NBEA: variants seen among roughly 807,000 people sequenced by gnomAD.
The protein encoded by NBEA is lysosomal-trafficking regulator 2.
Under a neutral mutation model 343.4 loss-of-function variants are expected in NBEA, and 44 were observed. That is an observed-to-expected ratio of 0.13 (90% confidence interval 0.10 to 0.16). The LOEUF (loss-of-function observed/expected upper bound fraction) is 0.16, where lower values mean the gene tolerates loss of function less well. NBEA is among the 10% of genes least tolerant of loss of function. The pLI, the probability that NBEA is intolerant of heterozygous loss-of-function variation, is 1.00. For synonymous variants in NBEA, 1,175 were observed against 1,238.7 expected (o/e 0.95, Z 1.08); for missense variants, 2,555 against 3,631.3 (o/e 0.70, Z 7.62).
chr13:35,278,114 A>C (rs931324808), intron 34 of NBEA, among the ~76,000 whole-genome samples: 1 of 147,922 alleles, frequency 6.8e-6, no homozygotes, highest in Non-Finnish European at 1.5e-5. Flanking sequence ...TATAAAATAT[A>C]TATATATACA....
chr13:35,592,294 C>T (rs1038028310), intron 46 of NBEA, among the ~76,000 whole-genome samples: 1 of 152,072 alleles, frequency 6.6e-6, no homozygotes, highest in African/African-American at 2.4e-5. Flanking sequence ...ATTCTTCGTT[C>T]AACAGATTAT....
intron 38 of NBEA, among the ~76,000 whole-genome samples, chr13:35,381,054 A>G (rs1337989745): frequency 2.0e-5 from 3 of 151,858 alleles, no homozygotes; most frequent in Admixed American, 2.0e-4. Context: ...CTTTTTTTCT[A>G]CGAATGGTAG....
At chr13:35,451,317 G>A (rs2046300920) in intron 39 of NBEA, among the ~76,000 whole-genome samples, 1 of 152,082 alleles carries the variant, frequency 6.6e-6, no homozygotes, top group South Asian at 2.1e-4. Context: ...TAGAGACGGG[G>A]TTTCACCGTG....
At chr13:35,462,025 G>A (rs1362938227) in intron 40 of NBEA, among the ~76,000 whole-genome samples, 1 of 152,188 alleles carries the variant, frequency 6.6e-6, no homozygotes. Flanking sequence ...AATCTGATTA[G>A]AATAGAAAAT....
At chr13:35,520,804 C>A (rs1034011785) in intron 41 of NBEA, among the ~76,000 whole-genome samples, 7 of 152,290 alleles carry the variant, frequency 4.6e-5, no homozygotes, top group Admixed American at 4.6e-4. Flanking sequence ...CTCCTTTAAA[C>A]TTCTATTGGA....
chr13:35,527,061 A>T (rs994038185), intron 41 of NBEA, among the ~76,000 whole-genome samples: 2 of 151,932 alleles, frequency 1.3e-5, no homozygotes, highest in African/African-American at 4.8e-5. Flanking sequence ...CTTATCTCCC[A>T]CAACATGGCA....
rs549866617 is a variant in NBEA at position 34,972,600 on chromosome 13, G to T, written c.294+29486G>T. 1.5e-4 allele frequency among the ~76,000 whole-genome samples: 23 copies of T among 152,236 alleles called. 1 individual carries two copies. The East Asian group carries it at 4.4e-3, about 29-fold the overall frequency. On this transcript the variant is annotated intron_variant, in intron 1 of 58. Transcript: ENST00000379939. ...TATTATTTACCCAAAAGTCATTTAG[G>T]ACCAGGGTATTCAATTTCCATGTAA... is the stretch of plus-strand genomic sequence containing the variant.
chr13:35,566,632 C>T (rs1438372337), intron 44 of NBEA, among the ~76,000 whole-genome samples: 2 of 152,102 alleles, frequency 1.3e-5, no homozygotes, highest in African/African-American at 4.8e-5. Context: ...GTAAGGGAGG[C>T]TGAGAAATGT....
At chr13:35,359,661 G>T (rs906546051) in intron 38 of NBEA, among the ~76,000 whole-genome samples, 1 of 151,956 alleles carries the variant, frequency 6.6e-6, no homozygotes, top group African/African-American at 2.4e-5. Flanking sequence ...CCTTTAACAT[G>T]CATATTTCCA....
At chr13:35,490,705 T>C (rs192798508) in intron 41 of NBEA, among the ~76,000 whole-genome samples, 1 of 151,786 alleles carries the variant, frequency 6.6e-6, no homozygotes, top group East Asian at 1.9e-4. Flanking sequence ...GTTTTTGTTA[T>C]TTGCAAGTTA....
rs866106724 is a variant in NBEA at position 35,645,141 on chromosome 13, C to T, written c.7618-728C>T. Among the ~76,000 whole-genome samples the T allele has an allele frequency of 2.6e-5, 4 of 152,104 alleles. No homozygotes were observed. The East Asian group carries it at 7.7e-4, about 29-fold the overall frequency. ...CTTTATAAATTAGAATTGTAGATAG[C>T]GATGAGATTAGTGGTGGTGCTATGT... On this transcript the variant is annotated intron_variant, in intron 49 of 58. Coordinates refer to ENST00000379939, the MANE Select transcript of NBEA (RefSeq NM_001385012.1).
At chr13:35,072,619 G>A (rs1230156722) in intron 10 of NBEA, among the ~76,000 whole-genome samples, 1 of 151,986 alleles carries the variant, frequency 6.6e-6, no homozygotes, top group Non-Finnish European at 1.5e-5. Flanking sequence ...GAGTGCAGTG[G>A]TGTGATCTCT....
At chr13:35,279,970 T>C (rs557888710) in intron 34 of NBEA, among the ~76,000 whole-genome samples, 2 of 152,302 alleles carry the variant, frequency 1.3e-5, no homozygotes, top group African/African-American at 4.8e-5. Flanking sequence ...TCAGGTTGAT[T>C]TTTTAAAGGA....
chr13:34,986,267 T>TTC (rs1443196899), intron 1 of NBEA, among the ~76,000 whole-genome samples: 1 of 151,006 alleles, frequency 6.6e-6, no homozygotes, highest in Non-Finnish European at 1.5e-5. Flanking sequence ...AGAACGTCTT[T>TTC]ATTTCTGCCT....
chr13:35,516,347 T>C (rs2077487301), intron 41 of NBEA, among the ~76,000 whole-genome samples: 1 of 152,282 alleles, frequency 6.6e-6, no homozygotes, highest in Middle Eastern at 3.4e-3. Flanking sequence ...CAGACATGCA[T>C]AGCAGTAATG....
chr13:35,310,071 A>T (rs1386977432), intron 36 of NBEA, among the ~76,000 whole-genome samples: 2 of 150,208 alleles, frequency 1.3e-5, no homozygotes, highest in East Asian at 1.9e-4. Context: ...ATATTCTATT[A>T]TTTTTTTTTT....
rs534053717 is a variant in NBEA at position 35,589,733 on chromosome 13, C to T, written c.7177-3595C>T. Among the ~76,000 whole-genome samples the T allele has an allele frequency of 2.0e-5, 3 of 152,150 alleles. No homozygotes were observed. In the South Asian group the frequency reaches 6.2e-4, roughly 32 times the overall value. The stretch of plus-strand genomic sequence containing the variant: ...TAGTTGATCTGTAATCATCCAAAAG[C>T]AAGAAAGGCTGTTAGTGTCTTCAGA... On this transcript the variant is annotated intron_variant, in intron 46 of 58. Transcript: ENST00000379939.
chr13:35,378,238 G>T (rs892437916), intron 38 of NBEA, among the ~76,000 whole-genome samples: 9 of 152,136 alleles, frequency 5.9e-5, no homozygotes, highest in Non-Finnish European at 1.0e-4. Flanking sequence ...CTTTGGCCCA[G>T]CTGGCTGGCC....
chr13:35,648,180 CTTTTTTTT>C lies in NBEA; in HGVS notation c.7771-1455_7771-1448del, dbSNP rs949635885. The stretch of plus-strand genomic sequence containing the variant: ...TGCCTGCCTGGTGTGTGTTTAAACT[CTTTTTTTT>C]TTTTTTTTTTTTTTTTTTTACCTTC... On this transcript the variant is annotated intron_variant, in intron 51 of 58. Coordinates refer to ENST00000379939, the MANE Select transcript of NBEA (RefSeq NM_001385012.1). 2.5e-4 allele frequency among the ~76,000 whole-genome samples: 26 copies of C among 104,182 alleles called. 1 individual carries two copies. The highest frequency in any genetic ancestry group is 2.0e-3 in the South Asian group (6 of 3,030). 68.3% of individuals were successfully genotyped at this position (104,182 alleles called of 152,430 possible).
Sources: gnomAD v4.1 joint callset for allele counts (sites outside exome capture counted in the v4.1 genomes callset) on GRCh38, gnomAD v4.1.1 for gene constraint, MANE v1.5 for transcripts, NCBI Gene and HGNC (gene_info 2026-07-23, HGNC 2026-07-21) for gene names.